Variants in SNX29 observed in about 807,000 individuals in gnomAD.
SNX29 encodes sorting nexin-29.
SNX29 carries 78 observed loss-of-function variants against 102.1 expected under a neutral mutation model. The ratio of observed to expected loss-of-function variants is 0.76; its 90% CI spans 0.64 to 0.92. The LOEUF (loss-of-function observed/expected upper bound fraction) is 0.92, where lower values mean the gene tolerates loss of function less well. Among genes scored for constraint, SNX29 ranks in the 40% least tolerant of loss-of-function variants. The pLI, the probability that SNX29 is intolerant of heterozygous loss-of-function variation, is 0.00. For synonymous variants in SNX29, 580 were observed against 414.5 expected, an observed-to-expected ratio of 1.40 and a Z score of -4.85; for missense variants, 1,280 against 1,061.7, an observed-to-expected ratio of 1.21 and a Z score of -2.86.
intron 18 of SNX29, among the ~76,000 whole-genome samples, chr16:12,453,880 C>G (rs1219588518): frequency 6.6e-6 from 1 of 152,134 alleles, no homozygotes; most frequent in Non-Finnish European, 1.5e-5. Context: ...GGCCTTCCAT[C>G]AAGATGTGGT....
intron 15 of SNX29, among the ~76,000 whole-genome samples, chr16:12,331,437 T>A (rs575762600): frequency 5.3e-4 from 81 of 152,310 alleles, no homozygotes; most frequent in African/African-American, 1.7e-3. Flanking sequence ...TACGTATAGG[T>A]GCTGAGAGCA....
intron 3 of SNX29, among the ~76,000 whole-genome samples, chr16:12,008,089 G>T (rs1383305411): frequency 6.6e-6 from 1 of 151,858 alleles, no homozygotes; most frequent in African/African-American, 2.4e-5. Flanking sequence ...GACTACAGAC[G>T]CCCGCCACCA....
At chr16:12,290,810 A>G (rs76618693) in intron 15 of SNX29, among the ~76,000 whole-genome samples, 4,819 of 152,096 alleles carry the variant, frequency 0.032, 119 homozygotes, top group Admixed American at 0.063. Flanking sequence ...AGTGGGGATG[A>G]GTTTTCTTGG....
intron 20 of SNX29, among the ~76,000 whole-genome samples, chr16:12,563,101 C>T (rs532302108): frequency 1.4e-4 from 20 of 142,154 alleles, no homozygotes; most frequent in South Asian, 4.8e-4. Flanking sequence ...AGAAGACGCA[C>T]GCTAACAACA....
At chr16:12,109,730 C>T (rs1225902392) in intron 11 of SNX29, among the ~76,000 whole-genome samples, 1 of 138,604 alleles carries the variant, frequency 7.2e-6, no homozygotes, top group Non-Finnish European at 1.7e-5. Flanking sequence ...GCTTCCATTG[C>T]CCTCATCTTT....
chr16:12,531,399 G>T (rs914471836), intron 20 of SNX29, among the ~76,000 whole-genome samples: 1 of 151,820 alleles, frequency 6.6e-6, no homozygotes, highest in Admixed American at 6.5e-5. Context: ...GGGCTAGGGT[G>T]CCCTCAAAAT....
intron 4 of SNX29, among the ~76,000 whole-genome samples, chr16:12,030,230 T>G (rs547744233): frequency 1.2e-3 from 177 of 152,350 alleles, no homozygotes; most frequent in African/African-American, 3.8e-3. Flanking sequence ...GCATACTGTT[T>G]GGATTCCTTG....
At chr16:11,983,006 C>A (rs1374354880) in intron 1 of SNX29, among the ~76,000 whole-genome samples, 1 of 152,152 alleles carries the variant, frequency 6.6e-6, no homozygotes, top group African/African-American at 2.4e-5. Flanking sequence ...TCTTGGCTCA[C>A]TGCAACCTCT....
intron 18 of SNX29, among the ~76,000 whole-genome samples, chr16:12,444,842 G>GTTTTTT (rs34218008): frequency 7.5e-6 from 1 of 132,606 alleles, no homozygotes. Flanking sequence ...GTTTTTTTTT[G>GTTTTTT]TTTTTTTTTT....
chr16:12,238,055 A>G (rs1253220470), intron 14 of SNX29, among the ~76,000 whole-genome samples: 1 of 152,318 alleles, frequency 6.6e-6, no homozygotes, highest in South Asian at 2.1e-4. Context: ...TTGAGGTTGG[A>G]TAAGGGTGAG....
chr16:12,132,245 C>A (rs1363356729), intron 13 of SNX29, among the ~76,000 whole-genome samples: 1 of 151,988 alleles, frequency 6.6e-6, no homozygotes, highest in Non-Finnish European at 1.5e-5. Flanking sequence ...ATTACAGGTG[C>A]CCGCCACTAT....
At chr16:12,258,637 C>T (rs532047322) in intron 14 of SNX29, among the ~76,000 whole-genome samples, 1 of 152,230 alleles carries the variant, frequency 6.6e-6, no homozygotes, top group African/African-American at 2.4e-5. Context: ...GGCAGTCGCT[C>T]ACAATGTATA....
At chr16:12,288,926 G>A (rs954798716) in intron 15 of SNX29, among the ~76,000 whole-genome samples, 4 of 152,260 alleles carry the variant, frequency 2.6e-5, no homozygotes, top group Admixed American at 6.5e-5. Context: ...TCTTCCCATC[G>A]CCCTCTGTGG....
Position 12,570,165 on chromosome 16 carries a change from C to CA in SNX29, c.*1537dup. ...AGATCACTCACACACAGCGCCCCCC[C>CA]ACCCCAGAGAAACCGAGTCAGCCTA... On this transcript the variant is annotated 3_prime_UTR_variant, in exon 21 of 21. Transcript: ENST00000566228. 9.4e-7 allele frequency: 1 copy of CA among 1,065,436 alleles called. No homozygotes were observed. The highest frequency in any genetic ancestry group is 1.1e-6 in the Non-Finnish European group (1 of 879,222). 66.0% of individuals were successfully genotyped at this position (1,065,436 alleles called of 1,614,324 possible).
intron 20 of SNX29, among the ~76,000 whole-genome samples, chr16:12,551,713 C>G (rs748385938): frequency 2.0e-5 from 3 of 152,222 alleles, no homozygotes; most frequent in East Asian, 1.9e-4. Flanking sequence ...GGTGAGCCAA[C>G]TTGTGAATGG....
At chr16:12,180,871 T>A (rs1228925277) in intron 13 of SNX29, among the ~76,000 whole-genome samples, 1 of 152,180 alleles carries the variant, frequency 6.6e-6, no homozygotes, top group African/African-American at 2.4e-5. Context: ...CCTGTGGATT[T>A]CGTGTGGTGT....
Position 12,448,471 on chromosome 16 carries a change from C to CTT in SNX29, c.2038-29236_2038-29235dup, listed in dbSNP as rs5815689. ...AAATTGTTCAAGGCAATTGGGAACT[C>CTT]TTTTTTTTTTTTTAGGCCACCAAGT... On this transcript the variant is annotated intron_variant, in intron 18 of 20. Transcript: ENST00000566228. 2.9e-3 allele frequency among the ~76,000 whole-genome samples: 428 copies of CTT among 147,802 alleles called. 2 individuals are homozygous for CTT. The highest frequency in any genetic ancestry group is 5.2e-3 in the Admixed American group (77 of 14,826).
intron 3 of SNX29, among the ~76,000 whole-genome samples, chr16:12,021,074 C>T (rs1431327654): frequency 1.3e-5 from 2 of 152,158 alleles, no homozygotes; most frequent in African/African-American, 4.8e-5. Context: ...GACGATAATC[C>T]AGTCCATTTT....
intron 14 of SNX29, among the ~76,000 whole-genome samples, chr16:12,254,560 G>A (rs1042234735): frequency 5.3e-5 from 8 of 152,028 alleles, no homozygotes; most frequent in African/African-American, 1.9e-4. Context: ...AGAATCGCTT[G>A]AACCCGGGAG....
Sources: allele counts gnomAD v4.1 joint callset (sites outside exome capture counted in the v4.1 genomes callset), GRCh38; gene constraint gnomAD v4.1.1; transcripts MANE v1.5; gene names NCBI Gene and HGNC (gene_info 2026-07-23, HGNC 2026-07-21).